The following CENPO variants were observed in gnomAD, a reference collection of about 807,000 sequenced individuals.
The protein encoded by CENPO is centromeric protein O.
In CENPO, 30 loss-of-function variants were observed where a neutral mutation model predicts 36.1. That is an observed-to-expected ratio of 0.83 (90% CI 0.62 to 1.13). The LOEUF is 1.13. Among genes scored for constraint, CENPO ranks in the 50% most tolerant of loss-of-function variants. CENPO has a pLI of 0.00. For missense variants in CENPO, 349 were observed against 357.8 expected (o/e 0.98, Z 0.20); for synonymous variants, 171 against 142.3 (o/e 1.20, Z -1.44).
rs867863720 is a variant in CENPO, at chr2:24,795,571, G to C, written c.46+1606G>C. On this transcript the variant is annotated intron_variant, in intron 2 of 7. Coordinates refer to ENST00000380834, the MANE Select transcript of CENPO (RefSeq NM_001322101.2). ...GCAGGTTTGAGAGCCTGAGAAGAGG[G>C]CTGTGTGGAAGTGCCTAGAGAAGGA... Among the ~76,000 whole-genome samples, 43 of 152,286 alleles carry C rather than the reference G, an allele frequency of 2.8e-4. No homozygotes were observed. The Middle Eastern group carries it at 0.01, about 36-fold the overall frequency.
rs1667372615 is a variant in CENPO, at chr2:24,820,236, T to G, written c.*918T>G. ...ATGGGTCCCAAGCAGTACGGGACAC[T>G]CCCCAAACCTCCCAGGGCCAAGCCC... On this transcript the variant is annotated 3_prime_UTR_variant, in exon 8 of 8. Coordinates refer to ENST00000380834, the MANE Select transcript of CENPO (RefSeq NM_001322101.2). 2.6e-6 allele frequency: 3 copies of G among 1,171,210 alleles called. No homozygotes were observed. Among genetic ancestry groups the G allele is most frequent in the African/African-American group, 1.6e-5 (1 of 63,218 alleles). The allele number at this position is 1,171,210 out of a possible 1,614,324, so 72.6% of individuals were successfully genotyped here. A position where few individuals can be genotyped will look rare whatever the true frequency, so the allele number is the denominator to read the frequency against.
At position 24,819,586 on chromosome 2, in the gene CENPO, C is replaced by T. The variant is rs1437218838; in HGVS notation, c.*268C>T. 2 of 192,068 alleles carry T rather than the reference C, an allele frequency of 1.0e-5. No homozygotes were observed. Among genetic ancestry groups the T allele is most frequent in the Non-Finnish European group, 2.2e-5 (2 of 92,912 alleles). The allele number at this position is 192,068 out of a possible 1,614,324, so 11.9% of individuals were successfully genotyped here. ...TCCCCGCCTGTGCTCCCTCCACAGT[C>T]CCGGAAAGCCCAGCGGCAAAGGCAG... is the stretch of plus-strand genomic sequence containing the variant. On this transcript the variant is annotated 3_prime_UTR_variant, in exon 8 of 8. Coordinates refer to ENST00000380834, the MANE Select transcript of CENPO (RefSeq NM_001322101.2).
At chr2:24,803,713 T>C (rs1451008496) in intron 3 of CENPO, among the ~76,000 whole-genome samples, 1 of 152,252 alleles carries the variant, frequency 6.6e-6, no homozygotes, top group African/African-American at 2.4e-5. Flanking sequence ...ATAATTTCTG[T>C]TCTTTTACAT....
rs1379578638 is a variant in CENPO, at chr2:24,819,684, G to C, written c.*366G>C. On this transcript the variant is annotated 3_prime_UTR_variant, in exon 8 of 8. Coordinates refer to ENST00000380834, the MANE Select transcript of CENPO (RefSeq NM_001322101.2). Reference sequence around the variant, plus strand: ...TCAGGGGCAAGGACGGCAGGGATTGGAACGAGGGCTCTGGAAGGACTGTTC... The same window carrying C: ...TCAGGGGCAAGGACGGCAGGGATTGCAACGAGGGCTCTGGAAGGACTGTTC... The C allele has an allele frequency of 7.1e-6, 3 of 422,106 alleles. No homozygotes were observed. The highest frequency in any genetic ancestry group is 8.2e-5 in the Admixed American group (2 of 24,290). The allele number at this position is 422,106 out of a possible 1,614,324, so 26.1% of individuals were successfully genotyped here. A position where few individuals can be genotyped will look rare whatever the true frequency, so the allele number is the denominator to read the frequency against.
At chr2:24,813,942 G>A (rs1390612210) in intron 3 of CENPO, among the ~76,000 whole-genome samples, 1 of 152,140 alleles carries the variant, frequency 6.6e-6, no homozygotes, top group Non-Finnish European at 1.5e-5. Context: ...TTCTCAGAGG[G>A]CGGGTCAGCC....
intron 7 of CENPO, among the ~76,000 whole-genome samples, chr2:24,818,497 C>T (rs555603183): frequency 3.9e-5 from 6 of 152,028 alleles, no homozygotes; most frequent in African/African-American, 1.2e-4. Context: ...TTTGGTTAGG[C>T]GCAGTGTATT....
chr2:24,816,071 A>G, intron 5 of CENPO: 1 of 361,854 alleles, frequency 2.8e-6, no homozygotes, highest in Non-Finnish European at 5.1e-6. Flanking sequence ...CGTGCCTACT[A>G]TGTACCATAC....
intron 3 of CENPO, among the ~76,000 whole-genome samples, chr2:24,805,225 G>A (rs919587027): frequency 2.6e-5 from 4 of 152,032 alleles, no homozygotes; most frequent in Admixed American, 6.6e-5. Context: ...TTAGCCATTC[G>A]TGTAATTTTT....
intron 3 of CENPO, among the ~76,000 whole-genome samples, chr2:24,811,017 C>T (rs1357351687): frequency 6.6e-6 from 1 of 151,776 alleles, no homozygotes; most frequent in African/African-American, 2.4e-5. Flanking sequence ...GATCTCAGCT[C>T]ACTGCAATTT....
intron 3 of CENPO, among the ~76,000 whole-genome samples, chr2:24,804,220 G>A (rs1382225114): frequency 6.6e-6 from 1 of 152,082 alleles, no homozygotes; most frequent in Non-Finnish European, 1.5e-5. Flanking sequence ...GAGCCTAAGT[G>A]TGTCTCTGCA....
intron 2 of CENPO, among the ~76,000 whole-genome samples, chr2:24,797,718 C>T (rs997885178): frequency 2.6e-5 from 4 of 152,092 alleles, no homozygotes; most frequent in Admixed American, 1.3e-4. Flanking sequence ...ACCAACAGGC[C>T]GCTATGCTAA....
rs144642673 is a variant in CENPO at position 24,794,064 on chromosome 2, G to T, written c.46+99G>T. ...CTGGAACTGACGTGGGACCTGGCCT[G>T]TTTGGGAGCAGAATAGTGAAAGGAA... On this transcript the variant is annotated intron_variant, in intron 2 of 7. Coordinates refer to ENST00000380834, the MANE Select transcript of CENPO (RefSeq NM_001322101.2). 26 of 912,792 alleles carry T rather than the reference G, an allele frequency of 2.8e-5. 1 individual carries two copies. Among genetic ancestry groups the T allele is most frequent in the African/African-American group, 1.9e-4 (12 of 61,566 alleles). 56.5% of individuals were successfully genotyped at this position (912,792 alleles called of 1,614,324 possible).
rs1163982115 is a variant in CENPO, at chr2:24,822,115, T to C, written c.*2797T>C. 5.3e-6 allele frequency: 1 copy of C among 189,902 alleles called. No homozygotes were observed. The highest frequency in any genetic ancestry group is 1.1e-5 in the Non-Finnish European group (1 of 91,448). The allele number at this position is 189,902 out of a possible 1,614,324, so 11.8% of individuals were successfully genotyped here. Reference sequence around the variant, plus strand: ...TTGGGACCAGGGCTCCTACACCTAATTTTCTCTCCTGGTAGCTGAACAAAG... The same window carrying C: ...TTGGGACCAGGGCTCCTACACCTAACTTTCTCTCCTGGTAGCTGAACAAAG... On this transcript the variant is annotated 3_prime_UTR_variant, in exon 8 of 8. Transcript: ENST00000380834.
At chr2:24,815,237 CAAA>C (rs36071782) in intron 4 of CENPO, among the ~76,000 whole-genome samples, 5 of 109,006 alleles carry the variant, frequency 4.6e-5, no homozygotes, top group African/African-American at 3.5e-5. Flanking sequence ...AACCCTATCT[CAAA>C]AAAAAAAAAA....
Position 24,820,180 on chromosome 2 carries a change from G to T in CENPO, c.*862G>T. 1 of 1,250,100 alleles carries T rather than the reference G, an allele frequency of 8.0e-7. No homozygotes were observed. The highest frequency in any genetic ancestry group is 1.1e-6 in the Non-Finnish European group (1 of 913,304). 77.4% of individuals were successfully genotyped at this position (1,250,100 alleles called of 1,614,324 possible). A position where few individuals can be genotyped will look rare whatever the true frequency, so the allele number is the denominator to read the frequency against. ...GAGCCTAGACTGAGGGCGGGTGGGG[G>T]CTTTGGGTGGTTGGAGCCGAGCACT... On this transcript the variant is annotated 3_prime_UTR_variant, in exon 8 of 8. Transcript: ENST00000380834.
chr2:24,813,398 G>C (rs892221481), intron 3 of CENPO, among the ~76,000 whole-genome samples: 5 of 152,054 alleles, frequency 3.3e-5, no homozygotes, highest in Admixed American at 6.5e-5. Flanking sequence ...TTACTCCTAG[G>C]GCTTAGCTTT....
intron 3 of CENPO, among the ~76,000 whole-genome samples, chr2:24,803,639 T>C (rs901016789): frequency 3.3e-5 from 5 of 152,266 alleles, no homozygotes; most frequent in African/African-American, 4.8e-5. Flanking sequence ...TTGAGTGGTT[T>C]TGAATGAATT....
chr2:24,821,678 C>T lies in CENPO; in HGVS notation c.*2360C>T. 6.2e-7 allele frequency: 1 copy of T among 1,609,186 alleles called. No individual in the cohort carries two copies. Among genetic ancestry groups the T allele is most frequent in the African/African-American group, 1.3e-5 (1 of 75,038 alleles). On this transcript the variant is annotated 3_prime_UTR_variant, in exon 8 of 8. Transcript: ENST00000380834. The stretch of plus-strand genomic sequence containing the variant: ...ACCGTGGAGAAAGTGTCAGGGGCCG[C>T]TCACTGCAGCAGCCTGCTCTGCTGC...
chr2:24,796,215 A>G (rs1056894658), intron 2 of CENPO, among the ~76,000 whole-genome samples: 61 of 152,222 alleles, frequency 4.0e-4, no homozygotes, highest in African/African-American at 1.4e-3. Flanking sequence ...TTAGCCGGGC[A>G]TCGTGGTGCA....
Sources: gnomAD v4.1 joint callset for allele counts (sites outside exome capture counted in the v4.1 genomes callset) on GRCh38, gnomAD v4.1.1 for gene constraint, MANE v1.5 for transcripts, NCBI Gene and HGNC (gene_info 2026-07-23, HGNC 2026-07-21) for gene names.